The following DOCK3 variants were observed in gnomAD, a reference collection of about 807,000 sequenced individuals.
DOCK3 encodes dedicator of cytokinesis protein 3.
DOCK3 carries 60 observed loss-of-function variants against 265.6 expected under a neutral mutation model. The ratio of observed to expected loss-of-function variants is 0.23; its 90% confidence interval spans 0.18 to 0.28. The LOEUF (loss-of-function observed/expected upper bound fraction) is 0.28, where lower values mean the gene tolerates loss of function less well. Ranked by LOEUF, DOCK3 falls within the 10% of genes least tolerant of loss-of-function variation. The probability of loss-of-function intolerance (pLI) is 1.00; values close to 1 mark genes in which losing one functional copy is unlikely to be tolerated. For missense variants in DOCK3, 1,981 were observed against 2,594.3 expected (o/e 0.76, Z 5.14); for synonymous variants, 881 against 938.0 (o/e 0.94, Z 1.11).
Position 50,759,855 on chromosome 3 carries a change from TA to T in DOCK3, c.38-18803del, listed in dbSNP as rs55757525. 7.0e-3 allele frequency among the ~76,000 whole-genome samples: 1,020 copies of T among 144,780 alleles called. 16 individuals are homozygous for T. Among genetic ancestry groups the T allele is most frequent in the African/African-American group, 0.022 (864 of 39,064 alleles). 95.0% of individuals were successfully genotyped at this position (144,780 alleles called of 152,430 possible). A position where few individuals can be genotyped will look rare whatever the true frequency, so the allele number is the denominator to read the frequency against. The stretch of plus-strand genomic sequence containing the variant: ...CCTGGGTGACCGAGTGAGATATTAT[TA>T]AAAAAAAAAAAAAAAATCTGTTTGT... On this transcript the variant is annotated intron_variant, in intron 1 of 52. Coordinates refer to ENST00000266037, the MANE Select transcript of DOCK3 (RefSeq NM_004947.5).
chr3:50,735,460 C>T (rs534340745), intron 1 of DOCK3, among the ~76,000 whole-genome samples: 1 of 152,260 alleles, frequency 6.6e-6, no homozygotes, highest in African/African-American at 2.4e-5. Flanking sequence ...CCTGCCTCAG[C>T]CTCCCAAGTA....
At chr3:50,816,803 T>C (rs2044103610) in intron 2 of DOCK3, among the ~76,000 whole-genome samples, 1 of 152,098 alleles carries the variant, frequency 6.6e-6, no homozygotes, top group Non-Finnish European at 1.5e-5. Flanking sequence ...TTTCTTTTCT[T>C]TCTTCTTTAT....
intron 1 of DOCK3, among the ~76,000 whole-genome samples, chr3:50,778,283 T>TA (rs920157045): frequency 6.6e-6 from 1 of 152,176 alleles, no homozygotes; most frequent in South Asian, 2.1e-4. Context: ...ATGATTCTTT[T>TA]AAAAAATATC....
intron 19 of DOCK3, among the ~76,000 whole-genome samples, chr3:51,230,151 G>A (rs1274328477): frequency 6.6e-6 from 1 of 152,050 alleles, no homozygotes; most frequent in African/African-American, 2.4e-5. Flanking sequence ...TAGATTTAGT[G>A]GGTACATGTG....
chr3:50,973,071 T>TTTTTTTTTTTTTC (rs2077297409), intron 5 of DOCK3, among the ~76,000 whole-genome samples: 1 of 144,898 alleles, frequency 6.9e-6, no homozygotes, highest in African/African-American at 2.5e-5. Context: ...TTTTTTTTTT[T>TTTTTTTTTTTTTC]TTGCAGTTCC....
intron 5 of DOCK3, among the ~76,000 whole-genome samples, chr3:50,952,320 G>T (rs1553712767): frequency 6.6e-6 from 1 of 152,150 alleles, no homozygotes; most frequent in African/African-American, 2.4e-5. Flanking sequence ...TCAAAAACAT[G>T]CAGGAGCACA....
chr3:51,183,692 C>T (rs1487012604), intron 12 of DOCK3, among the ~76,000 whole-genome samples: 1 of 152,050 alleles, frequency 6.6e-6, no homozygotes, highest in Non-Finnish European at 1.5e-5. Context: ...TAAAGTTTCA[C>T]AAGAATTAAA....
intron 50 of DOCK3, 64 bp from the exon 51 acceptor site, chr3:51,375,684 A>G (rs574857224): frequency 1.9e-6 from 3 of 1,590,534 alleles, no homozygotes; most frequent in African/African-American, 2.7e-5. Context: ...GTCGCCCACA[A>G]CACTGCCTCC....
intron 21 of DOCK3, among the ~76,000 whole-genome samples, chr3:51,245,340 GA>G (rs1298147962): frequency 1.4e-5 from 2 of 147,874 alleles, no homozygotes; most frequent in Non-Finnish European, 3.0e-5. Context: ...CTGTCTCAAA[GA>G]AAAAAATAAA....
At chr3:51,322,072 C>A (rs1269893376) in intron 32 of DOCK3, among the ~76,000 whole-genome samples, 3 of 152,162 alleles carry the variant, frequency 2.0e-5, no homozygotes, top group Non-Finnish European at 4.4e-5. Flanking sequence ...TTAAGGGCAG[C>A]CAGAGAGAAA....
At chr3:51,016,641 ATATT>A (rs1330104644) in intron 5 of DOCK3, among the ~76,000 whole-genome samples, 3 of 15,248 alleles carry the variant, frequency 2.0e-4, no homozygotes, top group Admixed American at 1.0e-3. Flanking sequence ...TATATGATAT[ATATT>A]TATATGTTTA....
chr3:51,202,116 G>C (rs1332853865), intron 12 of DOCK3, among the ~76,000 whole-genome samples: 1 of 145,122 alleles, frequency 6.9e-6, no homozygotes, highest in Non-Finnish European at 1.5e-5. Flanking sequence ...AAAAGAACTA[G>C]AGAAGCAAGA....
chr3:51,180,633 A>G (rs186500357), intron 12 of DOCK3, among the ~76,000 whole-genome samples: 56 of 152,324 alleles, frequency 3.7e-4, no homozygotes, highest in African/African-American at 1.3e-3. Flanking sequence ...CAGATAATCC[A>G]GGATAATCTC....
intron 51 of DOCK3, chr3:51,379,355 C>A: frequency 1.0e-6 from 1 of 973,026 alleles, no homozygotes; most frequent in South Asian, 4.7e-5. Context: ...GTGCTGGATA[C>A]GTGGTGCACA....
chr3:51,036,001 A>T (rs1221082178), intron 5 of DOCK3, among the ~76,000 whole-genome samples: 1 of 152,072 alleles, frequency 6.6e-6, no homozygotes, highest in Non-Finnish European at 1.5e-5. Context: ...CAGAAAGGTG[A>T]CTGGCTTTTT....
chr3:50,727,041 T>A (rs1234226152), intron 1 of DOCK3, among the ~76,000 whole-genome samples: 3 of 150,096 alleles, frequency 2.0e-5, no homozygotes, highest in Non-Finnish European at 4.4e-5. Context: ...GCCAGGAGAA[T>A]AATGTCTCAC....
rs978145663 is a variant in DOCK3, at chr3:51,256,670, T to G, written c.2185-3486T>G. Among the ~76,000 whole-genome samples, 5 of 150,170 alleles carry G rather than the reference T, an allele frequency of 3.3e-5. No individual in the cohort carries two copies. The Admixed American group carries it at 3.4e-4, about 10-fold the overall frequency. On this transcript the variant is annotated intron_variant, in intron 22 of 52. Transcript: ENST00000266037. ...CTGCAGAGGCACAATCTTGGCTCAC[T>G]GCAGCCTCCACCTCCCGTGTTCAAG...
intron 1 of DOCK3, among the ~76,000 whole-genome samples, chr3:50,716,164 A>C (rs550465224): frequency 6.6e-6 from 1 of 152,090 alleles, no homozygotes; most frequent in South Asian, 2.1e-4. Flanking sequence ...ATCCTGTAGA[A>C]TAGTGCTTTT....
intron 5 of DOCK3, among the ~76,000 whole-genome samples, chr3:51,006,118 C>A (rs538930643): frequency 6.6e-6 from 1 of 152,274 alleles, no homozygotes; most frequent in Middle Eastern, 3.4e-3. Flanking sequence ...CTAGAATACT[C>A]CCCCCTTAGT....
Sources: gnomAD v4.1 joint callset for allele counts (sites outside exome capture counted in the v4.1 genomes callset) on GRCh38, gnomAD v4.1.1 for gene constraint, MANE v1.5 for transcripts, NCBI Gene and HGNC (gene_info 2026-07-23, HGNC 2026-07-21) for gene names.